Variants in KMO observed in about 807,000 individuals in gnomAD.
KMO encodes the protein kynurenine 3-monooxygenase.
In KMO, 24 loss-of-function variants were observed where a neutral mutation model predicts 57.8. The ratio of observed to expected loss-of-function variants is 0.42; its 90% CI spans 0.30 to 0.58. The LOEUF (loss-of-function observed/expected upper bound fraction) is 0.58. Ranked by LOEUF, KMO falls within the 20% of genes least tolerant of loss-of-function variation. KMO has a pLI of 0.22. For missense variants in KMO, 483 were observed against 588.2 expected (o/e 0.82, Z 1.85); for synonymous variants, 210 against 193.6 (o/e 1.08, Z -0.70).
intron 1 of KMO, among the ~76,000 whole-genome samples, chr1:241,534,560 AT>A (rs1660689412): frequency 1.3e-5 from 2 of 152,254 alleles, no homozygotes; most frequent in Non-Finnish European, 2.9e-5. Flanking sequence ...TCCTATTGTC[AT>A]TTTGTGCAAA....
Position 241,588,767 on chromosome 1 carries a change from C to T in KMO, c.1035C>T (p.Phe345=), listed in dbSNP as rs1663125139. 6.2e-7 allele frequency: 1 copy of T among 1,612,812 alleles called. No individual in the cohort carries two copies. Among genetic ancestry groups the T allele is most frequent in the African/African-American group, 1.3e-5 (1 of 74,876 alleles). Residue 345 remains phenylalanine (F), a synonymous_variant, in exon 12 of 15, where the codon TTC becomes TTT. Transcript: ENST00000366559. ...SNDLSLCLPV[F]SRLRIPDDHA... ...TTACAGGTTTGTGTCTTCCTGTGTT[C>T]TCAAGATTGAGAATCCCAGATGATC... is the stretch of plus-strand genomic sequence containing the variant.
chr1:241,561,813 T>C (rs934810173), intron 6 of KMO, among the ~76,000 whole-genome samples: 7 of 152,238 alleles, frequency 4.6e-5, no homozygotes, highest in Non-Finnish European at 7.3e-5. Flanking sequence ...ACAAATGTAT[T>C]GTTCTTAGAA....
At chr1:241,577,676 T>C (rs1662574854) in intron 10 of KMO, among the ~76,000 whole-genome samples, 1 of 152,200 alleles carries the variant, frequency 6.6e-6, no homozygotes, top group Admixed American at 6.5e-5. Context: ...CTTTTTTATT[T>C]ATTTATTTTT....
intron 4 of KMO, among the ~76,000 whole-genome samples, chr1:241,552,010 G>A (rs1661415570): frequency 1.7e-5 from 2 of 116,846 alleles, no homozygotes; most frequent in South Asian, 5.1e-4. Flanking sequence ...ATGTCCTGAG[G>A]AAGGCCAAGT....
Position 241,592,123 on chromosome 1 carries a change from A to T in KMO, c.1431A>T (p.Leu477=), listed in dbSNP as rs200432334. ...TCFPAKAVDS[L]EQISNLISR ...TCCCCGCAAAGGCCGTGGACTCCCT[A>T]GAACAAATTTCCAATCTCATTAGCA... The change falls in exon 15 of 15, where the codon CTA becomes CTT. Residue 477 remains leucine, a synonymous_variant. Coordinates refer to ENST00000366559, the MANE Select transcript of KMO (RefSeq NM_003679.5). The T allele has an allele frequency of 6.2e-7, 1 of 1,613,886 alleles. No homozygotes were observed.
Position 241,588,791 on chromosome 1 carries a change from T to C in KMO, c.1059T>C (p.Asp353=). Residue 353 remains aspartate (D), a synonymous_variant, in exon 12 of 15, where the codon GAT becomes GAC. Transcript: ENST00000366559. The stretch of plus-strand genomic sequence containing the variant: ...TCTCAAGATTGAGAATCCCAGATGA[T>C]CACGCGATTTCAGACCTATCCATGT... ...PVFSRLRIPD[D]HAISDLSMYN... The C allele has an allele frequency of 6.2e-7, 1 of 1,613,610 alleles. No homozygotes were observed. The highest frequency in any genetic ancestry group is 1.1e-5 in the South Asian group (1 of 91,076).
chr1:241,568,994 G>A (rs901055421), intron 10 of KMO, among the ~76,000 whole-genome samples: 1 of 151,716 alleles, frequency 6.6e-6, no homozygotes, highest in South Asian at 2.1e-4. Flanking sequence ...AGAATCTCCC[G>A]TATCCATTTT....
chr1:241,594,793 G>C lies in KMO; in HGVS notation c.*2640G>C. ...TTGAGCTGAATTTAAGTTGTTTTTT[G>C]TTTGTTAGCAGGTGTGGATGTGGGG... On this transcript the variant is annotated 3_prime_UTR_variant, in exon 15 of 15. Coordinates refer to ENST00000366559, the MANE Select transcript of KMO (RefSeq NM_003679.5). 7.2e-7 allele frequency: 1 copy of C among 1,396,488 alleles called. No individual in the cohort carries two copies. Among genetic ancestry groups the C allele is most frequent in the Non-Finnish European group, 9.8e-7 (1 of 1,024,130 alleles). The allele number at this position is 1,396,488 out of a possible 1,614,324, so 86.5% of individuals were successfully genotyped here.
At chr1:241,580,811 A>G (rs909374017) in intron 10 of KMO, among the ~76,000 whole-genome samples, 1 of 152,130 alleles carries the variant, frequency 6.6e-6, no homozygotes, top group African/African-American at 2.4e-5. Flanking sequence ...AAGGAAAAGA[A>G]CATGTATTCT....
intron 14 of KMO, 64 bp downstream of exon 14, chr1:241,590,327 T>A (rs1450911801): frequency 7.8e-7 from 1 of 1,277,080 alleles, no homozygotes; most frequent in Non-Finnish European, 1.1e-6. Flanking sequence ...AGTATTATGA[T>A]TATGTTTGTT....
chr1:241,548,932 T>C (rs778219474), intron 2 of KMO, 34 bp downstream of exon 2: 52 of 1,417,578 alleles, frequency 3.7e-5, no homozygotes, highest in Non-Finnish European at 5.2e-5. Flanking sequence ...GGATGAACGC[T>C]GGGCACGGTG....
At chr1:241,546,688 G>C (rs928655726) in intron 1 of KMO, among the ~76,000 whole-genome samples, 2 of 152,088 alleles carry the variant, frequency 1.3e-5, no homozygotes, top group Non-Finnish European at 2.9e-5. Context: ...ACTTACATAG[G>C]GAATATGTGG....
intron 2 of KMO, 73 bp downstream of exon 2, chr1:241,548,971 C>T (rs1361241232): frequency 4.5e-5 from 43 of 954,362 alleles, no homozygotes; most frequent in Non-Finnish European, 7.0e-5. Flanking sequence ...GGCCAGGGCA[C>T]ATGGATCGCT....
At chr1:241,588,653 A>G (rs1415487613) in intron 11 of KMO, 95 bp from the exon 12 acceptor site, 3 of 763,622 alleles carry the variant, frequency 3.9e-6, no homozygotes, top group Non-Finnish European at 6.6e-6. Context: ...AATTAGCGAG[A>G]GCATTGGTAG....
Position 241,594,338 on chromosome 1 carries a change from A to G in KMO, c.*2185A>G. On this transcript the variant is annotated 3_prime_UTR_variant, in exon 15 of 15. Transcript: ENST00000366559. The stretch of plus-strand genomic sequence containing the variant: ...GACCACAAGGTTCTGTTGATATTAC[A>G]TAGAACGGGTATTCCAGACACTTCT... 7.2e-7 allele frequency: 1 copy of G among 1,390,366 alleles called. No homozygotes were observed. The allele number at this position is 1,390,366 out of a possible 1,614,324, so 86.1% of individuals were successfully genotyped here. A position where few individuals can be genotyped will look rare whatever the true frequency, so the allele number is the denominator to read the frequency against.
At chr1:241,583,746 TC>T (rs1389125606) in intron 10 of KMO, among the ~76,000 whole-genome samples, 1 of 152,190 alleles carries the variant, frequency 6.6e-6, no homozygotes, top group Admixed American at 6.5e-5. Context: ...AAAAAATACT[TC>T]CAATCAAAAC....
chr1:241,539,087 A>G (rs1338611179), intron 1 of KMO, among the ~76,000 whole-genome samples: 1 of 152,096 alleles, frequency 6.6e-6, no homozygotes, highest in African/African-American at 2.4e-5. Context: ...TAGTCTTAAA[A>G]ATAGTGGGGA....
At chr1:241,549,256 A>AGAAAGAAAGAAAGAAAGAAAGAAAGTCG (rs1553346343) in intron 2 of KMO, among the ~76,000 whole-genome samples, 1 of 114,808 alleles carries the variant, frequency 8.7e-6, no homozygotes, top group African/African-American at 3.2e-5. Context: ...AAAGAAAGAA[A>AGAAAGAAAGAAAGAAAGAAAGAAAGTCG]GAAAGAAAGA....
intron 10 of KMO, among the ~76,000 whole-genome samples, chr1:241,569,492 CT>C (rs1198571811): frequency 2.6e-5 from 4 of 151,998 alleles, no homozygotes; most frequent in Non-Finnish European, 5.9e-5. Flanking sequence ...GCATTTCATT[CT>C]TTTTTTATAG....
Sources: gnomAD v4.1 joint callset for allele counts (sites outside exome capture counted in the v4.1 genomes callset) on GRCh38, gnomAD v4.1.1 for gene constraint, MANE v1.5 for transcripts, NCBI Gene and HGNC (gene_info 2026-07-23, HGNC 2026-07-21) for gene names.